HGS: variants seen among roughly 807,000 people sequenced by gnomAD.
HGS encodes human growth factor-regulated tyrosine kinase substrate.
HGS carries 63 observed loss-of-function variants against 109.7 expected under a neutral mutation model. That is an observed-to-expected ratio of 0.57 (90% CI 0.47 to 0.71). The LOEUF (loss-of-function observed/expected upper bound fraction) is 0.71. HGS is among the 30% of genes least tolerant of loss of function. The pLI is 0.00. For missense variants in HGS, 995 were observed against 1,068.3 expected (o/e 0.93, Z 0.96); for synonymous variants, 546 against 437.3 (o/e 1.25, Z -3.10).
At chr17:81,685,233 A>G (rs1233097264) in intron 1 of HGS, among the ~76,000 whole-genome samples, 1 of 152,132 alleles carries the variant, frequency 6.6e-6, no homozygotes, top group Non-Finnish European at 1.5e-5. Context: ...ACTCCAAGGG[A>G]CGGGTGATAG....
In HGS at chr17:81,696,086, T is replaced by C. The variant is rs368933611; in HGVS notation, c.1393+87T>C. On this transcript the variant is annotated intron_variant, in intron 15 of 21. Coordinates refer to ENST00000329138, the MANE Select transcript of HGS (RefSeq NM_004712.5). ...GGGCCAGGGCCTCCCCTGAGGGTGCTGAGCTCTTGTGAGTCCTTCATTGGG... is the reference window on the plus strand; with the variant it reads ...GGGCCAGGGCCTCCCCTGAGGGTGCCGAGCTCTTGTGAGTCCTTCATTGGG... The C allele has an allele frequency of 4.3e-6, 5 of 1,149,884 alleles. No homozygotes were observed. In the South Asian group the frequency reaches 6.1e-5, roughly 14 times the overall value. 71.2% of individuals were successfully genotyped at this position (1,149,884 alleles called of 1,614,324 possible).
intron 6 of HGS, chr17:81,690,451 G>A (rs1355173724): frequency 1.6e-5 from 10 of 635,232 alleles, no homozygotes; most frequent in Middle Eastern, 4.3e-4. Context: ...TAGGGGGCTC[G>A]GGAAAGGAAA....
chr17:81,701,394 C>A, intron 21 of HGS, 114 bp from the exon 22 acceptor site: 1 of 1,169,914 alleles, frequency 8.5e-7, no homozygotes, highest in Admixed American at 2.4e-5. Context: ...GAGCTGCAGT[C>A]CGTGGACATG....
At chr17:81,696,252 T>C in intron 15 of HGS, 105 bp from the exon 16 acceptor site, 3 of 1,361,420 alleles carry the variant, frequency 2.2e-6, no homozygotes, top group Non-Finnish European at 2.9e-6. Flanking sequence ...CAGAGCCCTC[T>C]GCAGAAGGTT....
chr17:81,686,882 C>T, intron 3 of HGS, 121 bp from the exon 4 acceptor site: 1 of 746,908 alleles, frequency 1.3e-6, no homozygotes, highest in Non-Finnish European at 2.2e-6. Context: ...GGGTTCCCCA[C>T]CGGCCACTGA....
At chr17:81,684,193 C>A in intron 1 of HGS, 90 bp downstream of exon 1, 2 of 1,170,822 alleles carry the variant, frequency 1.7e-6, no homozygotes, top group Non-Finnish European at 2.2e-6. Flanking sequence ...GCCCGAGGGG[C>A]GCGGACCGGC....
rs769725274 is a variant in HGS at position 81,701,570 on chromosome 17, G to C, written c.2286G>C (p.Gln762His). The C allele has an allele frequency of 6.4e-7, 1 of 1,571,494 alleles. No individual in the cohort carries two copies. Among genetic ancestry groups the C allele is most frequent in the South Asian group, 1.1e-5 (1 of 87,014 alleles). Reference sequence around the variant, plus strand: ...CCGTGGCCCAGCAACCGCAGGCACAGGGGCCGCCGGCACAGGGCAGCGAGG... The same window carrying C: ...CCGTGGCCCAGCAACCGCAGGCACACGGGCCGCCGGCACAGGGCAGCGAGG... Reference protein sequence around the residue: ...QPPVAQQPQAQGPPAQGSEAQ... With the variant: ...QPPVAQQPQAHGPPAQGSEAQ... The change falls in exon 22 of 22, where the codon CAG becomes CAC. Residue 762 changes from glutamine (Q) to histidine (H), a missense_variant. Around this residue, in one of 6 missense-constraint regions of HGS, gnomAD observed 326 missense variants for 309.7 expected, o/e 1.05. Transcript: ENST00000329138.
chr17:81,696,152 C>T, intron 15 of HGS, 153 bp downstream of exon 15: 1 of 911,318 alleles, frequency 1.1e-6, no homozygotes, highest in Non-Finnish European at 1.6e-6. Flanking sequence ...GAGGTGGTCT[C>T]AGTGATGACC....
chr17:81,694,847 C>T lies in HGS; in HGVS notation c.969C>T (p.Asp323=). The T allele has an allele frequency of 1.2e-6, 2 of 1,614,248 alleles. No homozygotes were observed. The highest frequency in any genetic ancestry group is 1.7e-6 in the Non-Finnish European group (2 of 1,180,032). ...CGGCGCCTCTGGCTGAGGACATCGACCCTGAGGTAAGGCCCAGCATGGGGT... is the reference window on the plus strand; with the variant it reads ...CGGCGCCTCTGGCTGAGGACATCGATCCTGAGGTAAGGCCCAGCATGGGGT... The part of the protein sequence containing the change: ...NSSAPLAEDI[D]PELARYLNRN... The change falls in exon 12 of 22, where the codon GAC becomes GAT. Residue 323 remains aspartate (D), a synonymous_variant. Transcript: ENST00000329138.
intron 18 of HGS, among the ~76,000 whole-genome samples, chr17:81,699,670 TGCCTCG>T (rs143540020): frequency 0.013 from 1,981 of 152,246 alleles, 53 homozygotes; most frequent in African/African-American, 0.045. Context: ...ATGATCCGCC[TGCCTCG>T]GCCTCCCAAA....
At position 81,690,216 on chromosome 17, in the gene HGS, C is replaced by A; in HGVS notation, c.450C>A (p.Ala150=). ...TTCCAGAATTCAAAGAGAGCGATGC[C>A]ATGTTTGCTGCCGAGAGAGTGAGTG... ...HVFPEFKESD[A]MFAAERAPDW... The change falls in exon 6 of 22, where the codon GCC becomes GCA. Residue 150 remains alanine (A), a synonymous_variant. Coordinates refer to ENST00000329138, the MANE Select transcript of HGS (RefSeq NM_004712.5). 1.2e-6 allele frequency: 2 copies of A among 1,613,856 alleles called. No individual in the cohort carries two copies. Among genetic ancestry groups the A allele is most frequent in the Middle Eastern group, 3.3e-4 (2 of 6,056 alleles).
At chr17:81,689,035 A>T (rs2037025675) in intron 5 of HGS, among the ~76,000 whole-genome samples, 2 of 152,232 alleles carry the variant, frequency 1.3e-5, no homozygotes, top group South Asian at 4.1e-4. Context: ...GCCCACGGGC[A>T]GGGGCAGGCA....
intron 4 of HGS, among the ~76,000 whole-genome samples, chr17:81,687,707 A>G (rs34876268): frequency 0.081 from 12,370 of 152,250 alleles, 587 homozygotes; most frequent in East Asian, 0.22. Context: ...ACTGTGATGC[A>G]GTGGGGATGC....
Position 81,700,409 on chromosome 17 carries a change from C to A in HGS, c.1883-58C>A. 4 of 1,471,548 alleles carry A rather than the reference C, an allele frequency of 2.7e-6. No homozygotes were observed. The Admixed American group carries it at 9.8e-5, about 36-fold the overall frequency. 91.2% of individuals were successfully genotyped at this position (1,471,548 alleles called of 1,614,324 possible). A position where few individuals can be genotyped will look rare whatever the true frequency, so the allele number is the denominator to read the frequency against. ...AAGTAAAACTCAAGAGTAGGGTGTC[C>A]CTTCCTCTCCTCCCTGTTGCCCTGG... On this transcript the variant is annotated intron_variant, in intron 18 of 21. Transcript: ENST00000329138.
chr17:81,684,824 A>G, intron 1 of HGS: 1 of 843,562 alleles, frequency 1.2e-6, no homozygotes, highest in African/African-American at 1.8e-5. Flanking sequence ...GTTTTCAAGG[A>G]GACTTCAAGT....
intron 19 of HGS, 33 bp downstream of exon 19, chr17:81,700,633 G>A: frequency 6.3e-7 from 1 of 1,577,890 alleles, no homozygotes. Flanking sequence ...TCCTTCCAGG[G>A]CCAGCCCCAG....
intron 9 of HGS, 32 bp downstream of exon 9, chr17:81,693,613 C>A: frequency 6.5e-7 from 1 of 1,543,046 alleles, no homozygotes; most frequent in Non-Finnish European, 8.9e-7. Context: ...GTGGGCACCT[C>A]TTCCCCGGCG....
rs755505706 is a variant in HGS, at chr17:81,686,339, G to A, written c.150G>A (p.Lys50=). 18 of 1,613,524 alleles carry A rather than the reference G, an allele frequency of 1.1e-5. No individual in the cohort carries two copies. Among genetic ancestry groups the A allele is most frequent in the African/African-American group, 2.7e-5 (2 of 74,856 alleles). ...TQAKYAVNSI[K]KKVNDKNPHV... ...CAAAATATGCTGTGAATTCCATCAA[G>A]AAGAAAGTCAACGACAAGAACCCAC... Residue 50 remains lysine, a synonymous_variant, in exon 3 of 22, where the codon AAG becomes AAA. Transcript: ENST00000329138.
chr17:81,689,163 A>C (rs2144488746), intron 5 of HGS, among the ~76,000 whole-genome samples: 1 of 152,330 alleles, frequency 6.6e-6, no homozygotes, highest in South Asian at 2.1e-4. Context: ...GAGCTGTCCC[A>C]AGTGTCGAGA....
Sources: gnomAD v4.1 joint callset for allele counts (sites outside exome capture counted in the v4.1 genomes callset) on GRCh38, gnomAD v4.1.1 for gene constraint, gnomAD v4.1.1 regional missense constraint, MANE v1.5 for transcripts, NCBI Gene and HGNC (gene_info 2026-07-23, HGNC 2026-07-21) for gene names.